Variants in MRPS27 observed in about 807,000 individuals in gnomAD.
MRPS27 encodes the protein small ribosomal subunit protein mS27.
MRPS27 carries 43 observed loss-of-function variants against 48.9 expected under a neutral mutation model. That is an observed-to-expected ratio of 0.88 (90% confidence interval 0.69 to 1.13). MRPS27 has a LOEUF of 1.13. Among genes scored for constraint, MRPS27 ranks in the 50% most tolerant of loss-of-function variants. MRPS27 has a pLI of 0.00. For missense variants in MRPS27, 467 were observed against 476.3 expected, an observed-to-expected ratio of 0.98 and a Z score of 0.18; for synonymous variants, 188 against 171.9, an observed-to-expected ratio of 1.09 and a Z score of -0.73.
chr5:72,227,995 A>G (rs1747945118), intron 8 of MRPS27: 3 of 451,174 alleles, frequency 6.6e-6, no homozygotes. Flanking sequence ...CCCTTTCTTT[A>G]TCCCTTCTTC....
At chr5:72,278,748 TTA>T (rs1246716644) in intron 4 of MRPS27, among the ~76,000 whole-genome samples, 1 of 152,170 alleles carries the variant, frequency 6.6e-6, no homozygotes, top group Non-Finnish European at 1.5e-5. Context: ...TTTTTACTCA[TTA>T]TGTTTTGAGA....
In MRPS27 at chr5:72,250,815, G is replaced by A. The variant is rs573228840; in HGVS notation, c.282-12687C>T. 4.6e-5 allele frequency among the ~76,000 whole-genome samples: 7 copies of A among 152,234 alleles called. No individual in the cohort carries two copies. In the South Asian group the frequency reaches 1.5e-3, roughly 32 times the overall value. Reference sequence around the variant, plus strand: ...AGGTCTCACTCTGTCACCCAGGCTGGAGTGCAGTGGCGAGATCACAGGCAT... The same window carrying A: ...AGGTCTCACTCTGTCACCCAGGCTGAAGTGCAGTGGCGAGATCACAGGCAT... On this transcript the variant is annotated intron_variant, in intron 4 of 10. Coordinates refer to ENST00000261413, the MANE Select transcript of MRPS27 (RefSeq NM_015084.3).
At chr5:72,320,127 C>A in intron 1 of MRPS27, 22 bp downstream of exon 1, 1 of 1,610,348 alleles carries the variant, frequency 6.2e-7, no homozygotes. Flanking sequence ...AATCAGGGGC[C>A]TAATGAAGCT....
At chr5:72,309,577 C>G (rs1016661058) in intron 2 of MRPS27, among the ~76,000 whole-genome samples, 1 of 152,134 alleles carries the variant, frequency 6.6e-6, no homozygotes, top group African/African-American at 2.4e-5. Flanking sequence ...GATTATTATA[C>G]TCATTATTTG....
intron 1 of MRPS27, among the ~76,000 whole-genome samples, chr5:72,319,700 G>A (rs181229339): frequency 2.0e-5 from 3 of 151,962 alleles, no homozygotes; most frequent in Non-Finnish European, 2.9e-5. Flanking sequence ...CGCGCCACCA[G>A]GCCCAGATAA....
chr5:72,279,057 T>C (rs1749463336), intron 4 of MRPS27, among the ~76,000 whole-genome samples: 1 of 152,206 alleles, frequency 6.6e-6, no homozygotes, highest in Non-Finnish European at 1.5e-5. Flanking sequence ...TTTTACTTCA[T>C]ATTGCCAAAC....
chr5:72,229,721 T>C (rs1487476832), intron 7 of MRPS27, among the ~76,000 whole-genome samples: 1 of 152,146 alleles, frequency 6.6e-6, no homozygotes, highest in African/African-American at 2.4e-5. Context: ...GGGATGGTTA[T>C]ACTTCTAAAG....
intron 2 of MRPS27, among the ~76,000 whole-genome samples, chr5:72,311,224 T>C (rs1398137552): frequency 6.6e-6 from 1 of 152,162 alleles, no homozygotes; most frequent in African/African-American, 2.4e-5. Flanking sequence ...GATTATACAA[T>C]AGAATGTCCT....
chr5:72,297,586 C>T, intron 3 of MRPS27, 46 bp downstream of exon 3: 1 of 1,284,004 alleles, frequency 7.8e-7, no homozygotes, highest in Non-Finnish European at 1.1e-6. Flanking sequence ...GCCTTTCTGG[C>T]TTTCTTCCTT....
chr5:72,292,199 A>G (rs970714721), intron 4 of MRPS27, among the ~76,000 whole-genome samples: 8 of 129,608 alleles, frequency 6.2e-5, no homozygotes, highest in African/African-American at 1.5e-4. Context: ...TATGGGTATT[A>G]CCAGTTTTTT....
chr5:72,271,936 C>T (rs934627501), intron 4 of MRPS27, among the ~76,000 whole-genome samples: 2 of 152,094 alleles, frequency 1.3e-5, no homozygotes, highest in African/African-American at 4.8e-5. Context: ...AGCCATCCAA[C>T]GAATTATTTC....
chr5:72,289,527 T>C (rs1380248759), intron 4 of MRPS27, among the ~76,000 whole-genome samples: 5 of 151,962 alleles, frequency 3.3e-5, no homozygotes, highest in Non-Finnish European at 5.9e-5. Flanking sequence ...GCTCAGGTGA[T>C]CTTCCCACCT....
intron 5 of MRPS27, among the ~76,000 whole-genome samples, chr5:72,234,935 C>T (rs1278041911): frequency 6.6e-6 from 1 of 152,090 alleles, no homozygotes; most frequent in Non-Finnish European, 1.5e-5. Flanking sequence ...TCAAATTCTT[C>T]AGTAATGTTA....
At chr5:72,225,700 C>G (rs9293820) in intron 9 of MRPS27, among the ~76,000 whole-genome samples, 18,144 of 152,038 alleles carry the variant, frequency 0.12, 1,452 homozygotes, top group East Asian at 0.42. Flanking sequence ...GCTATGTAGC[C>G]TCTCAGGACT....
At chr5:72,308,376 G>A (rs1248896327) in intron 2 of MRPS27, among the ~76,000 whole-genome samples, 1 of 152,218 alleles carries the variant, frequency 6.6e-6, no homozygotes. Flanking sequence ...ATCTCCAATG[G>A]GGATGGGAGC....
At chr5:72,281,634 G>T (rs1206535085) in intron 4 of MRPS27, among the ~76,000 whole-genome samples, 4 of 152,142 alleles carry the variant, frequency 2.6e-5, no homozygotes. Context: ...GGAGGGAAGA[G>T]CATAGGCAAG....
rs573093903 is a variant in MRPS27, at chr5:72,284,462, CTGTG to C, written c.281+11065_281+11068del. Among the ~76,000 whole-genome samples the C allele has an allele frequency of 6.0e-5, 9 of 149,686 alleles. No homozygotes were observed. In the East Asian group the frequency reaches 1.8e-3, roughly 29 times the overall value. ...AAAAAAAAATTTGGTTAATTTCCTT[CTGTG>C]TGTGTGTGTGAGAGAGAGAGATGGA... On this transcript the variant is annotated intron_variant, in intron 4 of 10. Transcript: ENST00000261413.
intron 1 of MRPS27, among the ~76,000 whole-genome samples, chr5:72,315,856 C>T (rs1308107656): frequency 6.6e-6 from 1 of 152,128 alleles, no homozygotes; most frequent in African/African-American, 2.4e-5. Flanking sequence ...ACTCTATCAC[C>T]CAGCAATTCC....
At chr5:72,242,138 T>A (rs1446287707) in intron 4 of MRPS27, among the ~76,000 whole-genome samples, 1 of 152,228 alleles carries the variant, frequency 6.6e-6, no homozygotes, top group Non-Finnish European at 1.5e-5. Context: ...TAAAGAGATC[T>A]CTGTCCCCAG....
Sources: gnomAD v4.1 joint callset for allele counts (sites outside exome capture counted in the v4.1 genomes callset) on GRCh38, gnomAD v4.1.1 for gene constraint, MANE v1.5 for transcripts, NCBI Gene and HGNC (gene_info 2026-07-23, HGNC 2026-07-21) for gene names.